Variants in RP1 observed in about 807,000 individuals in gnomAD.
RP1 encodes the protein oxygen-regulated protein 1.
Under a neutral mutation model 14.8 loss-of-function variants are expected in RP1, and 16 were observed. The observed-to-expected ratio is 1.08, with a 90% CI of 0.73 to 1.65. The LOEUF is 1.65. RP1 is among the 40% of genes most tolerant of loss of function. The probability of loss-of-function intolerance (pLI) is 0.00; values close to 1 mark genes in which losing one functional copy is unlikely to be tolerated. For missense variants in RP1, 2,631 were observed against 2,535.0 expected, an observed-to-expected ratio of 1.04 and a Z score of -0.81; for synonymous variants, 876 against 883.6, an observed-to-expected ratio of 0.99 and a Z score of 0.15.
At chr8:54,827,190 C>G (rs752632094) in intron 24 of RP1, among the ~76,000 whole-genome samples, 5 of 149,526 alleles carry the variant, frequency 3.3e-5, no homozygotes, top group Non-Finnish European at 7.4e-5. Context: ...GGACACCAAG[C>G]CTACACTAGA....
chr8:54,609,589 C>A (rs1805543733), intron 1 of RP1, among the ~76,000 whole-genome samples: 1 of 152,198 alleles, frequency 6.6e-6, no homozygotes. Context: ...ACTATACCTC[C>A]TCTTCTGGTC....
At chr8:54,591,093 T>G (rs1805035173) in intron 1 of RP1, among the ~76,000 whole-genome samples, 1 of 152,132 alleles carries the variant, frequency 6.6e-6, no homozygotes, top group Admixed American at 6.5e-5. Flanking sequence ...CCACCATAAG[T>G]TTTCATCCCA....
chr8:54,773,312 C>T (rs1459958852), downstream of RP1, among the ~76,000 whole-genome samples: 1 of 152,118 alleles, frequency 6.6e-6, no homozygotes, highest in African/African-American at 2.4e-5. Context: ...TATCCGGTAT[C>T]TCATTGCATT....
At chr8:54,690,356 T>C (rs1278989403) in intron 12 of RP1, among the ~76,000 whole-genome samples, 1 of 152,090 alleles carries the variant, frequency 6.6e-6, no homozygotes, top group Non-Finnish European at 1.5e-5. Flanking sequence ...TATTAGTGTA[T>C]AACACTAACT....
chr8:54,843,846 G>A (rs1585740312), intron 25 of RP1, among the ~76,000 whole-genome samples: 1 of 152,306 alleles, frequency 6.6e-6, no homozygotes, highest in Non-Finnish European at 1.5e-5. Flanking sequence ...GGGGGCACCT[G>A]AGGAGTCCCT....
rs1312475126 is a variant in RP1, at chr8:54,621,577, G to A, written c.611G>A (p.Arg204Lys). 3 of 1,614,044 alleles carry A rather than the reference G, an allele frequency of 1.9e-6. No homozygotes were observed. Among genetic ancestry groups the A allele is most frequent in the Admixed American group, 1.7e-5 (1 of 60,014 alleles). Reference sequence around the variant, plus strand: ...GTCAAGCTGTACGCTACGGACGGAAGGAGGGTGAGCGTTCTGGGGGCTCCT... The same window carrying A: ...GTCAAGCTGTACGCTACGGACGGAAAGAGGGTGAGCGTTCTGGGGGCTCCT... ...PVVKLYATDGRRVPSLQAVIL... is the reference protein window; with the variant it reads ...PVVKLYATDGKRVPSLQAVIL... Residue 204 changes from arginine (R) to lysine (K), a missense_variant, in exon 2 of 4, where the codon AGG becomes AAG. Arg to Lys is a conservative substitution (Grantham distance 26). Coordinates refer to ENST00000220676, the MANE Select transcript of RP1 (RefSeq NM_006269.2).
At position 54,591,991 on chromosome 8, in the gene RP1, C is replaced by A. The variant is rs371094631; in HGVS notation, c.-12-28964C>A. Reference sequence around the variant, plus strand: ...TCTTTTGGTCAAAGCAGCCCAAACACTAGAAGTGGGGGAAATAGTCTCTAC... The same window carrying A: ...TCTTTTGGTCAAAGCAGCCCAAACAATAGAAGTGGGGGAAATAGTCTCTAC... On this transcript the variant is annotated intron_variant, in intron 1 of 22. Coordinates refer to the RP1 transcript ENST00000636932. Among the ~76,000 whole-genome samples, 28 of 152,272 alleles carry A rather than the reference C, an allele frequency of 1.8e-4. No homozygotes were observed. In the East Asian group the frequency reaches 3.5e-3, roughly 19 times the overall value.
At chr8:54,695,661 A>G (rs1017297878) in intron 12 of RP1, among the ~76,000 whole-genome samples, 7 of 152,290 alleles carry the variant, frequency 4.6e-5, no homozygotes, top group African/African-American at 1.7e-4. Flanking sequence ...TTAATGAATC[A>G]TCTGAACAAG....
chr8:54,684,532 A>T (rs1467990960), intron 12 of RP1, among the ~76,000 whole-genome samples: 1 of 152,082 alleles, frequency 6.6e-6, no homozygotes, highest in Non-Finnish European at 1.5e-5. Flanking sequence ...TTCTTGGTTC[A>T]GTCTTGCGGG....
chr8:54,631,215 A>C (rs1233830668), downstream of RP1, among the ~76,000 whole-genome samples: 1 of 152,234 alleles, frequency 6.6e-6, no homozygotes, highest in Admixed American at 6.5e-5. Flanking sequence ...AGCATGAGTC[A>C]TAAATTCATA....
chr8:54,733,382 T>C (rs1035793407), intron 17 of RP1, among the ~76,000 whole-genome samples: 2 of 152,148 alleles, frequency 1.3e-5, no homozygotes, highest in Admixed American at 6.6e-5. Flanking sequence ...CCCACAGAGA[T>C]TACCCAGAGC....
intron 3 of RP1, among the ~76,000 whole-genome samples, chr8:54,624,053 C>A (rs1043043032): frequency 6.6e-6 from 1 of 152,128 alleles, no homozygotes; most frequent in African/African-American, 2.4e-5. Flanking sequence ...CTCTGAACCT[C>A]CACATTGAAA....
intron 19 of RP1, among the ~76,000 whole-genome samples, chr8:54,741,724 T>C (rs1441435150): frequency 7.7e-6 from 1 of 129,622 alleles, no homozygotes; most frequent in Non-Finnish European, 1.6e-5. Flanking sequence ...TATATATATA[T>C]ATATATATAT....
At position 54,682,136 on chromosome 8, in the gene RP1, T is replaced by C. The variant is rs544864380; in HGVS notation, c.1717+2203T>C. 2.0e-5 allele frequency among the ~76,000 whole-genome samples: 3 copies of C among 152,258 alleles called. No homozygotes were observed. The East Asian group carries it at 5.8e-4, about 30-fold the overall frequency. ...ATTACCACACTGCCTTCCATAATGG[T>C]TGAACTAACTTACATTCCCACCAAC... On this transcript the variant is annotated intron_variant, in intron 12 of 22. Coordinates refer to the RP1 transcript ENST00000636932.
intron 1 of RP1, among the ~76,000 whole-genome samples, chr8:54,597,617 C>T (rs2129303172): frequency 6.6e-6 from 1 of 152,288 alleles, no homozygotes; most frequent in Admixed American, 6.5e-5. Flanking sequence ...GTCATGATTA[C>T]TTGCCTAAGC....
At chr8:54,729,437 A>T (rs1330543908) in intron 17 of RP1, among the ~76,000 whole-genome samples, 1 of 152,218 alleles carries the variant, frequency 6.6e-6, no homozygotes, top group Non-Finnish European at 1.5e-5. Flanking sequence ...GGGCAGAAAA[A>T]AAATCTATTA....
intron 19 of RP1, among the ~76,000 whole-genome samples, chr8:54,753,469 A>C (rs977162598): frequency 6.6e-6 from 1 of 151,688 alleles, no homozygotes; most frequent in Non-Finnish European, 1.5e-5. Flanking sequence ...CTCACAAAAA[A>C]CTCCTTAGAA....
exon 20 of RP1, chr8:54,754,826 C>A: frequency 6.6e-7 from 1 of 1,524,962 alleles, no homozygotes; most frequent in South Asian, 1.2e-5. Flanking sequence ...ATATGAAAAG[C>A]AAGAAGATCC....
chr8:54,668,141 C>T (rs993068662), intron 7 of RP1, among the ~76,000 whole-genome samples: 5 of 152,126 alleles, frequency 3.3e-5, no homozygotes, highest in South Asian at 2.1e-4. Flanking sequence ...TTATCCATTG[C>T]GATCAAGTGG....
Sources: allele counts gnomAD v4.1 joint callset (sites outside exome capture counted in the v4.1 genomes callset), GRCh38; gene constraint gnomAD v4.1.1; transcripts MANE v1.5; gene names NCBI Gene and HGNC (gene_info 2026-07-23, HGNC 2026-07-21).